Variants in AKNA observed in about 807,000 individuals in gnomAD.
The protein encoded by AKNA is AT-hook transcription factor, also known as microtubule organization protein AKNA.
Under a neutral mutation model 138.8 loss-of-function variants are expected in AKNA, and 67 were observed. That is an observed-to-expected ratio of 0.48 (90% CI 0.40 to 0.59). The LOEUF (loss-of-function observed/expected upper bound fraction) is 0.59. Ranked by LOEUF, AKNA falls within the 20% of genes least tolerant of loss-of-function variation. The pLI is 0.00. For missense variants in AKNA, 1,813 were observed against 1,880.4 expected (o/e 0.96, Z 0.66); for synonymous variants, 737 against 754.4 (o/e 0.98, Z 0.38).
At position 114,354,679 on chromosome 9, in the gene AKNA, G is replaced by A. The variant is rs192954781; in HGVS notation, c.3058+1246C>T. 8.1e-4 allele frequency among the ~76,000 whole-genome samples: 118 copies of A among 146,068 alleles called. 1 individual carries two copies. The highest frequency in any genetic ancestry group is 3.0e-3 in the African/African-American group (116 of 38,676). On this transcript the variant is annotated intron_variant, in intron 14 of 21. Coordinates refer to ENST00000374088, the MANE Select transcript of AKNA (RefSeq NM_001317950.2). ...AGTGAGCCGAGATTGTGCCACTGCA[G>A]TCTGGCCTGGGTGAAAGAGCGAGAC...
At chr9:114,356,993 T>A (rs1831546967) in intron 12 of AKNA, 24 bp from the exon 13 acceptor site, 3 of 1,570,648 alleles carry the variant, frequency 1.9e-6, no homozygotes, top group Non-Finnish European at 2.6e-6. Flanking sequence ...TATCCCTTTA[T>A]GTCTGAGGAA....
chr9:114,340,678 T>C (rs538697473), intron 21 of AKNA, among the ~76,000 whole-genome samples: 1 of 152,250 alleles, frequency 6.6e-6, no homozygotes, highest in East Asian at 1.9e-4. Context: ...ACAGTGCTAC[T>C]AGGGGGCAGA....
rs867151486 is a variant in AKNA at position 114,372,969 on chromosome 9, G to C, written c.1416+1124C>G. Among the ~76,000 whole-genome samples, 19 of 137,824 alleles carry C rather than the reference G, an allele frequency of 1.4e-4. 4 individuals are homozygous for C. The highest frequency in any genetic ancestry group is 9.7e-4 in the Admixed American group (14 of 14,378). The allele number at this position is 137,824 out of a possible 152,430, so 90.4% of individuals were successfully genotyped here. A position where few individuals can be genotyped will look rare whatever the true frequency, so the allele number is the denominator to read the frequency against. On this transcript the variant is annotated intron_variant, in intron 4 of 21. Transcript: ENST00000374088. The stretch of plus-strand genomic sequence containing the variant: ...CAGCAGGTGTGGGGACGCAGCGGGG[G>C]GGGGGGGGGTCCTGGTCCTAGAACA...
At chr9:114,391,495 C>CAGAGA (rs962327840), upstream of AKNA, among the ~76,000 whole-genome samples, 4 of 152,018 alleles carry the variant, frequency 2.6e-5, no homozygotes, top group Non-Finnish European at 5.9e-5. Context: ...CACTGAGGCC[C>CAGAGA]AGAGAAGAGA....
chr9:114,344,073 C>T, intron 18 of AKNA: 1 of 330,994 alleles, frequency 3.0e-6, no homozygotes, highest in Admixed American at 4.6e-5. Flanking sequence ...TGTTTCATCT[C>T]AGATCCTAGA....
chr9:114,368,294 A>G (rs1832517761), intron 5 of AKNA, 145 bp downstream of exon 5: 1 of 928,232 alleles, frequency 1.1e-6, no homozygotes, highest in African/African-American at 1.7e-5. Context: ...GACCCTTTTG[A>G]GTCAAAGTGC....
intron 7 of AKNA, among the ~76,000 whole-genome samples, chr9:114,363,256 A>G (rs1321064671): frequency 6.6e-6 from 1 of 152,224 alleles, no homozygotes; most frequent in African/African-American, 2.4e-5. Flanking sequence ...CTAGGCTCCC[A>G]TAGGAGGATC....
chr9:114,375,127 G>T (rs987423195), intron 3 of AKNA, among the ~76,000 whole-genome samples: 3 of 152,172 alleles, frequency 2.0e-5, no homozygotes, highest in Non-Finnish European at 4.4e-5. Context: ...CTCATGGTCT[G>T]GAAGGGAAAT....
rs1330780348 is a variant in AKNA at position 114,359,957 on chromosome 9, G to A, written c.2230C>T (p.Leu744=). The A allele has an allele frequency of 1.9e-6, 3 of 1,613,120 alleles. No individual in the cohort carries two copies. The highest frequency in any genetic ancestry group is 2.7e-5 in the African/African-American group (2 of 74,936). ...AGCTCCTTGTGCCTGAGTCGGGCCA[G>A]GGGGTCCTGTGGCCTGTCCTCCACC... The part of the protein sequence containing the change: ...SEVEDRPQDP[L]ARLRHKELQM... The change falls in exon 10 of 22, where the codon CTG becomes TTG. Residue 744 remains leucine, a synonymous_variant. Coordinates refer to ENST00000374088, the MANE Select transcript of AKNA (RefSeq NM_001317950.2).
At chr9:114,343,652 G>A (rs1222664523) in intron 19 of AKNA, 56 bp downstream of exon 19, 6 of 1,558,258 alleles carry the variant, frequency 3.9e-6, no homozygotes, top group Middle Eastern at 3.4e-4. Flanking sequence ...CTCCCCTGAG[G>A]GCAAGAAGCT....
At chr9:114,355,691 CA>C (rs1831449839) in intron 14 of AKNA, among the ~76,000 whole-genome samples, 1 of 152,204 alleles carries the variant, frequency 6.6e-6, no homozygotes, top group Non-Finnish European at 1.5e-5. Context: ...TGTAAACAAA[CA>C]CACATTTATA....
intron 18 of AKNA, chr9:114,344,188 G>A (rs1006012514): frequency 4.9e-6 from 1 of 204,598 alleles, no homozygotes; most frequent in African/African-American, 2.4e-5. Context: ...ATGAACAAGT[G>A]ATGCTATTCC....
chr9:114,380,661 A>C (rs1279410821), intron 2 of AKNA, among the ~76,000 whole-genome samples: 1 of 152,124 alleles, frequency 6.6e-6, no homozygotes, highest in Non-Finnish European at 1.5e-5. Flanking sequence ...GAAAATGCTG[A>C]AGCAGCGTCC....
intron 15 of AKNA, among the ~76,000 whole-genome samples, chr9:114,350,327 G>A (rs938167226): frequency 9.9e-5 from 15 of 152,074 alleles, no homozygotes; most frequent in African/African-American, 2.9e-4. Context: ...AGCGCATCCC[G>A]GGACAGACAC....
intron 9 of AKNA, 63 bp downstream of exon 9, chr9:114,361,641 A>C: frequency 6.4e-7 from 1 of 1,565,592 alleles, no homozygotes; most frequent in South Asian, 1.1e-5. Flanking sequence ...GTATTGAAGA[A>C]ATGAATTAAC....
chr9:114,367,530 G>A lies in AKNA; in HGVS notation c.1728+13C>T, dbSNP rs1832453008. 2 of 1,611,962 alleles carry A rather than the reference G, an allele frequency of 1.2e-6. No individual in the cohort carries two copies. The highest frequency in any genetic ancestry group is 2.2e-5 in the South Asian group (2 of 90,976). On this transcript the variant is annotated intron_variant, in intron 6 of 21. Coordinates refer to ENST00000374088, the MANE Select transcript of AKNA (RefSeq NM_001317950.2). ...GTTAAGTCTCTCGGGGGCAAAGCTGGGAGTCCACTCACCTTGGCCAGGAAC... is the reference window on the plus strand; with the variant it reads ...GTTAAGTCTCTCGGGGGCAAAGCTGAGAGTCCACTCACCTTGGCCAGGAAC...
At chr9:114,348,886 C>A in intron 15 of AKNA, 1 of 456,318 alleles carries the variant, frequency 2.2e-6, no homozygotes, top group South Asian at 1.5e-5. Context: ...GCCGTTCTTG[C>A]CTGGTGGCCC....
At position 114,337,103 on chromosome 9, in the gene AKNA, G is replaced by A. The variant is rs759255976; in HGVS notation, c.4271C>T (p.Ser1424Leu). ...GCTGTGAGCCTGGCGCAGGTCGGCT[G>A]ACAGCGAGCTTCTCATCTGCCTGGT... Reference protein sequence around the residue: ...STTRQMRSSLSADLRQAHSLR... With the variant: ...STTRQMRSSLLADLRQAHSLR... Residue 1424 changes from serine to leucine, a missense_variant, in exon 22 of 22, where the codon TCA (serine) becomes TTA (leucine). Transcript: ENST00000374088. 1 of 1,601,838 alleles carries A rather than the reference G, an allele frequency of 6.2e-7. No homozygotes were observed. Among genetic ancestry groups the A allele is most frequent in the South Asian group, 1.1e-5 (1 of 89,816 alleles).
intron 11 of AKNA, 85 bp downstream of exon 11, chr9:114,359,509 C>A (rs959782483): frequency 1.9e-6 from 3 of 1,560,236 alleles, no homozygotes; most frequent in Non-Finnish European, 1.7e-6. Flanking sequence ...AACTGTGAAG[C>A]GCTGTCTTAT....
Sources: allele counts gnomAD v4.1 joint callset (sites outside exome capture counted in the v4.1 genomes callset), GRCh38; gene constraint gnomAD v4.1.1; transcripts MANE v1.5; gene names NCBI Gene and HGNC (gene_info 2026-07-23, HGNC 2026-07-21).